The following PRSS23 variants were observed in gnomAD, a reference collection of about 807,000 sequenced individuals.
PRSS23 encodes serine protease 23.
A neutral mutation model predicts 34.7 loss-of-function variants in PRSS23; 25 were observed. That is an observed-to-expected ratio of 0.72 (90% CI 0.53 to 1.01). The LOEUF is 1.01. Among genes scored for constraint, PRSS23 ranks in the 50% least tolerant of loss-of-function variants. The probability of loss-of-function intolerance (pLI) is 0.00; values close to 1 mark genes in which losing one functional copy is unlikely to be tolerated. For synonymous variants in PRSS23, 176 were observed against 186.6 expected, an observed-to-expected ratio of 0.94 and a Z score of 0.46; for missense variants, 445 against 475.6, an observed-to-expected ratio of 0.94 and a Z score of 0.60.
intron 2 of PRSS23, among the ~76,000 whole-genome samples, chr11:86,927,331 C>T (rs190639715): frequency 2.4e-4 from 37 of 152,204 alleles, no homozygotes; most frequent in African/African-American, 8.7e-4. Flanking sequence ...AAATTCATAC[C>T]GAGGTCTGAT....
chr11:86,823,162 G>A (rs886508046), intron 1 of PRSS23, among the ~76,000 whole-genome samples: 2 of 152,156 alleles, frequency 1.3e-5, no homozygotes, highest in African/African-American at 4.8e-5. Context: ...CAAACATGGA[G>A]GCAGAGGGTA....
intron 2 of PRSS23, among the ~76,000 whole-genome samples, chr11:86,839,063 A>T (rs1180224585): frequency 2.0e-5 from 3 of 151,580 alleles, no homozygotes; most frequent in African/African-American, 7.3e-5. Context: ...AATTAAAAAA[A>T]AAAAACAACA....
At chr11:86,938,169 C>T (rs1949177081) in intron 2 of PRSS23, among the ~76,000 whole-genome samples, 1 of 152,300 alleles carries the variant, frequency 6.6e-6, no homozygotes, top group South Asian at 2.1e-4. Context: ...GCACCCGAAC[C>T]AGCATTGGGC....
chr11:86,893,895 A>T (rs928182254), intron 2 of PRSS23, among the ~76,000 whole-genome samples: 3 of 152,250 alleles, frequency 2.0e-5, no homozygotes, highest in African/African-American at 7.2e-5. Flanking sequence ...AATCAGGAAT[A>T]CTGAAGTGAA....
intron 2 of PRSS23, among the ~76,000 whole-genome samples, chr11:86,849,738 C>G (rs896989729): frequency 3.3e-5 from 5 of 152,152 alleles, no homozygotes; most frequent in African/African-American, 9.7e-5. Flanking sequence ...CCTGCTGTAC[C>G]TAACCCCTAT....
At chr11:86,847,041 C>G (rs1057007847) in intron 2 of PRSS23, among the ~76,000 whole-genome samples, 3 of 152,150 alleles carry the variant, frequency 2.0e-5, no homozygotes, top group Non-Finnish European at 2.9e-5. Flanking sequence ...GTTGTTTCAA[C>G]CATTTAATAA....
chr11:86,792,682 A>G (rs546439006), intron 1 of PRSS23, among the ~76,000 whole-genome samples: 1 of 152,356 alleles, frequency 6.6e-6, no homozygotes, highest in South Asian at 2.1e-4. Flanking sequence ...TCAAAGGCCA[A>G]CAAAAATACT....
At chr11:86,838,064 C>T (rs1948420065) in intron 2 of PRSS23, among the ~76,000 whole-genome samples, 1 of 151,642 alleles carries the variant, frequency 6.6e-6, no homozygotes, top group Middle Eastern at 3.4e-3. Flanking sequence ...TCTGAAGAAA[C>T]GGTACACTCT....
chr11:86,870,007 C>T (rs1465085102), intron 2 of PRSS23, among the ~76,000 whole-genome samples: 2 of 152,212 alleles, frequency 1.3e-5, no homozygotes, highest in African/African-American at 4.8e-5. Context: ...GATACAAGTT[C>T]TCTGACTCTC....
chr11:86,885,285 C>G (rs906471235), intron 2 of PRSS23, among the ~76,000 whole-genome samples: 4 of 152,128 alleles, frequency 2.6e-5, no homozygotes, highest in East Asian at 3.8e-4. Flanking sequence ...AACCTGAAGC[C>G]CTTTCCCGGC....
At chr11:86,813,393 A>G (rs548668821), downstream of PRSS23, among the ~76,000 whole-genome samples, 2 of 152,366 alleles carry the variant, frequency 1.3e-5, no homozygotes, top group East Asian at 1.9e-4. Flanking sequence ...TCTGTTTAAG[A>G]GACAGATGGG....
intron 2 of PRSS23, among the ~76,000 whole-genome samples, chr11:86,851,070 C>T (rs1948525131): frequency 6.6e-6 from 1 of 152,166 alleles, no homozygotes. Context: ...GCATCTCACC[C>T]CTTGCCATAC....
chr11:86,937,829 C>T (rs1590936231), intron 2 of PRSS23: 1 of 152,186 alleles, frequency 6.6e-6, no homozygotes, highest in African/African-American at 2.4e-5. Flanking sequence ...ATGGACTCGC[C>T]TTTAATTCTT....
chr11:86,857,907 C>T, intron 2 of PRSS23: 1 of 490,478 alleles, frequency 2.0e-6, no homozygotes, highest in South Asian at 1.6e-5. Flanking sequence ...GCATCGTGAC[C>T]AGGTACATGG....
intron 2 of PRSS23, among the ~76,000 whole-genome samples, chr11:86,918,571 C>T (rs1313022824): frequency 6.6e-6 from 1 of 152,206 alleles, no homozygotes; most frequent in East Asian, 1.9e-4. Flanking sequence ...ATCTGACATC[C>T]TATATATTTT....
chr11:86,874,383 T>C (rs142959660), intron 2 of PRSS23, among the ~76,000 whole-genome samples: 2 of 152,292 alleles, frequency 1.3e-5, no homozygotes, highest in South Asian at 2.1e-4. Context: ...TATAAATAGG[T>C]CCCAAATATT....
chr11:86,860,165 T>A (rs970772478), intron 2 of PRSS23, among the ~76,000 whole-genome samples: 13 of 151,854 alleles, frequency 8.6e-5, no homozygotes, highest in Middle Eastern at 6.8e-3. Context: ...TTGTTCTTAA[T>A]ATCCATATGG....
chr11:86,915,497 G>A (rs914924178), intron 2 of PRSS23, among the ~76,000 whole-genome samples: 6 of 150,348 alleles, frequency 4.0e-5, no homozygotes, highest in Non-Finnish European at 4.4e-5. Flanking sequence ...GGCCGGTGAT[G>A]TCACTCAATA....
intron 2 of PRSS23, among the ~76,000 whole-genome samples, chr11:86,840,672 A>G (rs960412496): frequency 4.6e-5 from 7 of 152,202 alleles, no homozygotes; most frequent in African/African-American, 1.7e-4. Context: ...TGTCAGCACC[A>G]CATCACACTT....
Sources: gnomAD v4.1 joint callset for allele counts (sites outside exome capture counted in the v4.1 genomes callset) on GRCh38, gnomAD v4.1.1 for gene constraint, MANE v1.5 for transcripts, NCBI Gene and HGNC (gene_info 2026-07-23, HGNC 2026-07-21) for gene names.